Variants in PAMR1 observed in about 807,000 individuals in gnomAD.
PAMR1 encodes the protein inactive serine protease PAMR1.
A neutral mutation model predicts 81.8 loss-of-function variants in PAMR1; 88 were observed. The ratio of observed to expected loss-of-function variants is 1.08; its 90% CI spans 0.91 to 1.28. The LOEUF (loss-of-function observed/expected upper bound fraction) is 1.28. Among genes scored for constraint, PAMR1 ranks in the 50% most tolerant of loss-of-function variants. PAMR1 has a pLI of 0.00. For missense variants in PAMR1, 935 were observed against 919.7 expected (o/e 1.02, Z -0.21); for synonymous variants, 336 against 345.3 (o/e 0.97, Z 0.30).
At chr11:35,445,881 T>C (rs1293592414) in intron 6 of PAMR1, among the ~76,000 whole-genome samples, 1 of 152,174 alleles carries the variant, frequency 6.6e-6, no homozygotes, top group Non-Finnish European at 1.5e-5. Flanking sequence ...CCTTTTCCAT[T>C]GTTTTGAATA....
At chr11:35,513,698 A>C (rs1319424507) in intron 1 of PAMR1, among the ~76,000 whole-genome samples, 1 of 152,222 alleles carries the variant, frequency 6.6e-6, no homozygotes, top group African/African-American at 2.4e-5. Flanking sequence ...GTCTGTGTGC[A>C]TCAGAAGCCC....
chr11:35,507,900 T>C (rs1339714039), intron 1 of PAMR1, among the ~76,000 whole-genome samples: 1 of 152,042 alleles, frequency 6.6e-6, no homozygotes, highest in East Asian at 1.9e-4. Context: ...GAAAACTGCC[T>C]GTTCCAAATT....
intron 1 of PAMR1, among the ~76,000 whole-genome samples, chr11:35,505,023 G>T (rs1418088432): frequency 6.6e-6 from 1 of 151,786 alleles, no homozygotes; most frequent in Non-Finnish European, 1.5e-5. Context: ...TATTTTTGCT[G>T]TACCCCATAG....
rs1855919861 is a variant in PAMR1, at chr11:35,432,171, G to GT, written c.*184_*185insA. The GT allele has an allele frequency of 3.3e-6, 2 of 604,400 alleles. No individual in the cohort carries two copies. The highest frequency in any genetic ancestry group is 4.1e-5 in the South Asian group (2 of 49,080). 37.4% of individuals were successfully genotyped at this position (604,400 alleles called of 1,614,324 possible). A position where few individuals can be genotyped will look rare whatever the true frequency, so the allele number is the denominator to read the frequency against. ...CCAATTGGCTGTCCTAGTAGTGGAC[G>GT]CGGCATCAGCCTACCAGCAATGGAG... On this transcript the variant is annotated 3_prime_UTR_variant, in exon 11 of 11. Coordinates refer to ENST00000619888, the MANE Select transcript of PAMR1 (RefSeq NM_001001991.3).
chr11:35,458,963 G>A (rs1196620634), intron 6 of PAMR1, among the ~76,000 whole-genome samples: 2 of 152,162 alleles, frequency 1.3e-5, no homozygotes, highest in South Asian at 4.1e-4. Flanking sequence ...ACACCAACTG[G>A]TGATGTAATC....
upstream of PAMR1, among the ~76,000 whole-genome samples, chr11:35,529,275 T>C (rs1403858107): frequency 1.3e-5 from 2 of 152,220 alleles, no homozygotes; most frequent in African/African-American, 4.8e-5. Flanking sequence ...GCCTTCTCAT[T>C]TGCAAACTCC....
intron 6 of PAMR1, among the ~76,000 whole-genome samples, chr11:35,443,952 T>C (rs1856237820): frequency 6.6e-6 from 1 of 152,242 alleles, no homozygotes; most frequent in Non-Finnish European, 1.5e-5. Context: ...TAATGATCAG[T>C]GATGTTGAGC....
chr11:35,502,808 GTTTCCTTT>G (rs755895676), intron 1 of PAMR1, among the ~76,000 whole-genome samples: 47,491 of 151,848 alleles, frequency 0.31, 7,491 homozygotes, highest in African/African-American at 0.37. Context: ...TTTGTTGATT[GTTTCCTTT>G]GCTGTGCAGA....
intron 6 of PAMR1, among the ~76,000 whole-genome samples, chr11:35,466,073 A>ACT (rs1555035808): frequency 3.5e-4 from 51 of 146,344 alleles, no homozygotes; most frequent in Middle Eastern, 3.5e-3. Context: ...TTCCAATTCT[A>ACT]TTTTTTTTTT....
At chr11:35,446,338 C>T (rs1164219106) in intron 6 of PAMR1, among the ~76,000 whole-genome samples, 1 of 152,132 alleles carries the variant, frequency 6.6e-6, no homozygotes, top group Non-Finnish European at 1.5e-5. Flanking sequence ...CTATCTCCTT[C>T]AGTTCTGCTG....
At chr11:35,461,959 C>T (rs558190740) in intron 6 of PAMR1, among the ~76,000 whole-genome samples, 2 of 152,274 alleles carry the variant, frequency 1.3e-5, no homozygotes, top group South Asian at 4.1e-4. Context: ...TTCATACCCT[C>T]TCAAGACAGA....
rs986234545 is a variant in PAMR1 at position 35,434,375 on chromosome 11, T to G, written c.1626+137A>C. The G allele has an allele frequency of 8.3e-6, 6 of 726,832 alleles. No individual in the cohort carries two copies. In the African/African-American group the frequency reaches 1.1e-4, roughly 13 times the overall value. The allele number at this position is 726,832 out of a possible 1,614,324, so 45.0% of individuals were successfully genotyped here. A position where few individuals can be genotyped will look rare whatever the true frequency, so the allele number is the denominator to read the frequency against. The stretch of plus-strand genomic sequence containing the variant: ...CATCTAGTATCTCAATATGAAATAA[T>G]GAACGCTGCTATATGCGAGGCTCTG... On this transcript the variant is annotated intron_variant, in intron 10 of 10. Transcript: ENST00000619888.
At position 35,492,192 on chromosome 11, in the gene PAMR1, G is replaced by T. The variant is rs752485963; in HGVS notation, c.251-19C>A. On this transcript the variant is annotated intron_variant, in intron 2 of 10. Transcript: ENST00000619888. Reference sequence around the variant, plus strand: ...GTACAACCTGAAACATTCCCAAGAAGAGGAGTGTTAGGCCAAAGCACCTGC... The same window carrying T: ...GTACAACCTGAAACATTCCCAAGAATAGGAGTGTTAGGCCAAAGCACCTGC... 2.5e-5 allele frequency: 40 copies of T among 1,613,654 alleles called. No individual in the cohort carries two copies. In the Admixed American group the frequency reaches 6.2e-4, roughly 25 times the overall value.
chr11:35,492,259 A>G, intron 2 of PAMR1, 86 bp from the exon 3 acceptor site: 1 of 1,451,508 alleles, frequency 6.9e-7, no homozygotes, highest in Non-Finnish European at 9.5e-7. Flanking sequence ...GCACCTTCTC[A>G]GGGCCCTGTC....
chr11:35,483,284 C>T (rs977228073), intron 3 of PAMR1, among the ~76,000 whole-genome samples: 5 of 151,918 alleles, frequency 3.3e-5, no homozygotes, highest in African/African-American at 1.2e-4. Context: ...CAGCTTCCTG[C>T]ACTCCTGTGA....
intron 1 of PAMR1, among the ~76,000 whole-genome samples, chr11:35,520,717 A>C (rs628867): frequency 0.41 from 61,592 of 152,076 alleles, 13,504 homozygotes; most frequent in East Asian, 0.69. Context: ...GGGGCACAAT[A>C]TTCCCTCATT....
intron 5 of PAMR1, among the ~76,000 whole-genome samples, chr11:35,470,092 C>T (rs7933803): frequency 0.044 from 6,654 of 152,206 alleles, 247 homozygotes; most frequent in African/African-American, 0.088. Flanking sequence ...TACTATGTAC[C>T]AGACTATGCC....
upstream of PAMR1, among the ~76,000 whole-genome samples, chr11:35,528,521 A>G (rs1011113761): frequency 6.6e-6 from 1 of 152,168 alleles, no homozygotes; most frequent in Non-Finnish European, 1.5e-5. Flanking sequence ...CATCTCTTTG[A>G]GTTACTCCTC....
rs1482998911 is a variant in PAMR1 at position 35,461,869 on chromosome 11, AG to A, written c.820+6131del. Among the ~76,000 whole-genome samples the A allele has an allele frequency of 5.3e-4, 81 of 152,102 alleles. 3 individuals are homozygous for A. The highest frequency in any genetic ancestry group is 5.3e-3 in the Admixed American group (81 of 15,268). On this transcript the variant is annotated intron_variant, in intron 6 of 10. Coordinates refer to ENST00000619888, the MANE Select transcript of PAMR1 (RefSeq NM_001001991.3). ...CTTCCTGGGCTCCTCCAGTCTGCAA[AG>A]GCTCTGGGCTATCAAGTACATGCGG...
Sources: allele counts gnomAD v4.1 joint callset (sites outside exome capture counted in the v4.1 genomes callset), GRCh38; gene constraint gnomAD v4.1.1; transcripts MANE v1.5; gene names NCBI Gene and HGNC (gene_info 2026-07-23, HGNC 2026-07-21).